PRKAR1B: variants seen among roughly 807,000 people sequenced by gnomAD.
PRKAR1B encodes protein kinase cAMP-dependent type I regulatory subunit beta, also known as cAMP-dependent protein kinase type I-beta regulatory subunit.
A neutral mutation model predicts 46.5 loss-of-function variants in PRKAR1B; 22 were observed. The ratio of observed to expected loss-of-function variants is 0.47; its 90% CI spans 0.34 to 0.68. The LOEUF is 0.68. PRKAR1B is among the 30% of genes least tolerant of loss of function. The pLI, the probability that PRKAR1B is intolerant of heterozygous loss-of-function variation, is 0.01. For missense variants in PRKAR1B, 445 were observed against 535.6 expected, an observed-to-expected ratio of 0.83 and a Z score of 1.67; for synonymous variants, 259 against 217.7, an observed-to-expected ratio of 1.19 and a Z score of -1.67.
At chr7:585,053 C>A (rs745732852) in intron 7 of PRKAR1B, among the ~76,000 whole-genome samples, 2 of 152,170 alleles carry the variant, frequency 1.3e-5, no homozygotes, top group African/African-American at 4.8e-5. Context: ...CATTAAAAGC[C>A]GATACTTGAC....
chr7:614,262 C>T (rs993322759), intron 4 of PRKAR1B, among the ~76,000 whole-genome samples: 3 of 152,208 alleles, frequency 2.0e-5, no homozygotes, highest in Non-Finnish European at 4.4e-5. Context: ...CGACAGGATG[C>T]GCAGAATGAC....
intron 4 of PRKAR1B, among the ~76,000 whole-genome samples, chr7:643,737 C>G (rs1211181026): frequency 1.3e-5 from 2 of 151,654 alleles, no homozygotes; most frequent in Admixed American, 6.6e-5. Flanking sequence ...AAAAAAAAGT[C>G]GCAGCTTCCT....
chr7:568,418 C>G (rs911692985), intron 9 of PRKAR1B, among the ~76,000 whole-genome samples: 8 of 152,340 alleles, frequency 5.3e-5, no homozygotes, highest in East Asian at 1.9e-4. Flanking sequence ...GAGAGACATG[C>G]GTGGCCAAAT....
chr7:568,190 C>T (rs548415385), intron 9 of PRKAR1B, among the ~76,000 whole-genome samples: 94 of 152,308 alleles, frequency 6.2e-4, no homozygotes, highest in South Asian at 1.5e-3. Context: ...CACAGCCCCC[C>T]GTGCCGCTAA....
At chr7:600,680 G>A (rs1011399427) in intron 6 of PRKAR1B, among the ~76,000 whole-genome samples, 8 of 152,282 alleles carry the variant, frequency 5.3e-5, no homozygotes, top group South Asian at 2.1e-4. Flanking sequence ...AGCCCGGAAC[G>A]GCCAGCGTCA....
intron 6 of PRKAR1B, among the ~76,000 whole-genome samples, chr7:599,218 C>T (rs1479621155): frequency 6.6e-6 from 1 of 152,220 alleles, no homozygotes; most frequent in Non-Finnish European, 1.5e-5. Flanking sequence ...GCCACTGTCA[C>T]CACTCCCGGC....
At chr7:672,805 T>A (rs1171625803) in intron 4 of PRKAR1B, among the ~76,000 whole-genome samples, 2 of 151,822 alleles carry the variant, frequency 1.3e-5, no homozygotes, top group Non-Finnish European at 1.5e-5. Flanking sequence ...AGGCGGACAT[T>A]GCAGTGAGCC....
At chr7:685,377 T>TATAC (rs1203533225) in intron 2 of PRKAR1B, among the ~76,000 whole-genome samples, 2 of 16,608 alleles carry the variant, frequency 1.2e-4, no homozygotes, top group Non-Finnish European at 1.8e-4. Flanking sequence ...CATATATATA[T>TATAC]ATACATACAT....
At chr7:709,375 T>C (rs1210859116) in intron 2 of PRKAR1B, among the ~76,000 whole-genome samples, 1 of 144,908 alleles carries the variant, frequency 6.9e-6, no homozygotes, top group African/African-American at 2.5e-5. Context: ...GTATTTCTTT[T>C]TTTTTTTTTT....
intron 4 of PRKAR1B, among the ~76,000 whole-genome samples, chr7:664,482 G>A (rs1195009360): frequency 6.6e-6 from 1 of 152,240 alleles, no homozygotes; most frequent in Non-Finnish European, 1.5e-5. Context: ...GGTGCTGGAG[G>A]CAGAGGCCAC....
At chr7:717,945 C>CA (rs1243316870) in intron 1 of PRKAR1B, among the ~76,000 whole-genome samples, 1 of 152,078 alleles carries the variant, frequency 6.6e-6, no homozygotes, top group Non-Finnish European at 1.5e-5. Context: ...ACATATGATT[C>CA]ATGGCAACAT....
At chr7:577,021 C>CCCAATGCCATCAGCGGCCTCAT (rs1779880903) in intron 9 of PRKAR1B, among the ~76,000 whole-genome samples, 1 of 135,068 alleles carries the variant, frequency 7.4e-6, no homozygotes, top group African/African-American at 2.8e-5. Context: ...AGTCGCCTCA[C>CCCAATGCCATCAGCGGCCTCAT]CCAACGCCAT....
At chr7:572,403 A>T (rs1256182438) in intron 9 of PRKAR1B, among the ~76,000 whole-genome samples, 1 of 152,126 alleles carries the variant, frequency 6.6e-6, no homozygotes, top group Non-Finnish European at 1.5e-5. Context: ...TCCACCCAGG[A>T]GGGGCCTGCT....
At chr7:718,047 C>T (rs1363599198) in intron 1 of PRKAR1B, among the ~76,000 whole-genome samples, 6 of 152,094 alleles carry the variant, frequency 3.9e-5, no homozygotes, top group African/African-American at 1.4e-4. Flanking sequence ...TGGCCAGGAG[C>T]TGAGGGTGGC....
At chr7:605,600 G>A (rs1184231994) in intron 6 of PRKAR1B, among the ~76,000 whole-genome samples, 2 of 152,330 alleles carry the variant, frequency 1.3e-5, no homozygotes, top group East Asian at 1.9e-4. Flanking sequence ...ACGAGACGGG[G>A]TCTCCAGCGG....
In PRKAR1B at chr7:727,234, C is replaced by A. The variant is rs997791435; in HGVS notation, c.-47G>T. 7.3e-7 allele frequency: 1 copy of A among 1,362,742 alleles called. No individual in the cohort carries two copies. The highest frequency in any genetic ancestry group is 3.3e-5 in the Admixed American group (1 of 30,154). 84.4% of individuals were successfully genotyped at this position (1,362,742 alleles called of 1,614,324 possible). On this transcript the variant is annotated 5_prime_UTR_variant, in exon 1 of 11. Transcript: ENST00000537384. ...CCTGGACGACGCTCTGCGCGCGCTGCGCTGCTCCCTGCTCGACCCCTTCGC... is the reference window on the plus strand; with the variant it reads ...CCTGGACGACGCTCTGCGCGCGCTGAGCTGCTCCCTGCTCGACCCCTTCGC...
chr7:722,026 C>G (rs928218791), intron 1 of PRKAR1B, among the ~76,000 whole-genome samples: 1 of 150,978 alleles, frequency 6.6e-6, no homozygotes, highest in African/African-American at 2.4e-5. Flanking sequence ...AGGGCTTGTC[C>G]TATGAAGCCT....
intron 2 of PRKAR1B, among the ~76,000 whole-genome samples, chr7:682,878 T>A (rs1778773066): frequency 6.6e-6 from 1 of 152,174 alleles, no homozygotes; most frequent in African/African-American, 2.4e-5. Flanking sequence ...CTATTCAGCC[T>A]CGAGGTGGGT....
At chr7:607,486 G>A (rs746352943) in intron 4 of PRKAR1B, 34 bp from the exon 5 acceptor site, 56 of 1,577,780 alleles carry the variant, frequency 3.5e-5, no homozygotes, top group Non-Finnish European at 4.5e-5. Context: ...TAGGGCTGCA[G>A]GCAGCACAGG....
Sources: gnomAD v4.1 joint callset for allele counts (sites outside exome capture counted in the v4.1 genomes callset) on GRCh38, gnomAD v4.1.1 for gene constraint, MANE v1.5 for transcripts, NCBI Gene and HGNC (gene_info 2026-07-23, HGNC 2026-07-21) for gene names.